MAP3K13: variants seen among roughly 807,000 people sequenced by gnomAD.
MAP3K13 encodes the protein leucine zipper-bearing kinase.
Under a neutral mutation model 104.0 loss-of-function variants are expected in MAP3K13, and 52 were observed. The ratio of observed to expected loss-of-function variants is 0.50; its 90% confidence interval spans 0.40 to 0.63. The LOEUF (loss-of-function observed/expected upper bound fraction) is 0.63, where lower values mean the gene tolerates loss of function less well. MAP3K13 is among the 20% of genes least tolerant of loss of function. MAP3K13 has a pLI of 0.00. For synonymous variants in MAP3K13, 394 were observed against 442.2 expected (o/e 0.89, Z 1.37); for missense variants, 914 against 1,218.5 (o/e 0.75, Z 3.72).
chr3:185,335,496 A>G (rs1279807927), intron 2 of MAP3K13, among the ~76,000 whole-genome samples: 1 of 152,144 alleles, frequency 6.6e-6, no homozygotes, highest in South Asian at 2.1e-4. Context: ...CCCTAGTAAG[A>G]GGGGCAAAGA....
chr3:185,404,997 C>G (rs1335942675), intron 1 of MAP3K13, among the ~76,000 whole-genome samples: 3 of 152,194 alleles, frequency 2.0e-5, no homozygotes, highest in Non-Finnish European at 4.4e-5. Flanking sequence ...GCCCATCCTA[C>G]TGGCAATGTA....
At chr3:185,321,109 T>C (rs1337237012) in intron 2 of MAP3K13, among the ~76,000 whole-genome samples, 2 of 149,768 alleles carry the variant, frequency 1.3e-5, no homozygotes, top group Non-Finnish European at 3.0e-5. Context: ...TGCACACACA[T>C]ATGCGTGCAC....
intron 2 of MAP3K13, among the ~76,000 whole-genome samples, chr3:185,435,099 G>T (rs1193423573): frequency 4.0e-5 from 6 of 151,868 alleles, no homozygotes; most frequent in Admixed American, 3.3e-4. Context: ...TGCCTCCCGG[G>T]TTCAAGCAAT....
chr3:185,477,524 T>C (rs1414352196), intron 12 of MAP3K13, 128 bp downstream of exon 12: 3 of 674,790 alleles, frequency 4.4e-6, no homozygotes, highest in Non-Finnish European at 7.9e-6. Context: ...TTGAACTCAC[T>C]GTGTTCATGT....
intron 1 of MAP3K13, among the ~76,000 whole-genome samples, chr3:185,425,538 C>A (rs1456132007): frequency 1.3e-5 from 2 of 152,152 alleles, no homozygotes; most frequent in Admixed American, 6.5e-5. Context: ...CTAACTGGAC[C>A]TTTAGTCTTT....
chr3:185,488,831 C>T lies in MAP3K13; in HGVS notation c.*6375C>T, dbSNP rs1339274313. The T allele has an allele frequency of 1.3e-5, 2 of 152,232 alleles. No homozygotes were observed. The highest frequency in any genetic ancestry group is 2.9e-5 in the Non-Finnish European group (2 of 68,068). The allele number at this position is 152,232 out of a possible 1,614,324, so 9.4% of individuals were successfully genotyped here. ...ACCTTCAGAGTGACCACTTCCCAGA[C>T]TCTGGAAGTGGGAAGACCCTCTTTG... On this transcript the variant is annotated 3_prime_UTR_variant, in exon 14 of 14. Transcript: ENST00000265026.
At chr3:185,460,632 A>G (rs1325119234) in intron 7 of MAP3K13, among the ~76,000 whole-genome samples, 1 of 152,226 alleles carries the variant, frequency 6.6e-6, no homozygotes, top group Non-Finnish European at 1.5e-5. Flanking sequence ...CTCCTTTTCC[A>G]TGAGATTCTA....
At chr3:185,407,004 T>C (rs1052308454) in intron 1 of MAP3K13, among the ~76,000 whole-genome samples, 5 of 152,088 alleles carry the variant, frequency 3.3e-5, no homozygotes, top group African/African-American at 1.2e-4. Context: ...TCCAGTAAAA[T>C]AAAGATTAAA....
At chr3:185,354,819 C>T (rs1723285269) in intron 2 of MAP3K13, among the ~76,000 whole-genome samples, 1 of 152,080 alleles carries the variant, frequency 6.6e-6, no homozygotes, top group Non-Finnish European at 1.5e-5. Context: ...TAGAAACTGG[C>T]TTTTTAATCT....
At chr3:185,287,689 T>C (rs550899943) in intron 2 of MAP3K13, among the ~76,000 whole-genome samples, 46 of 152,262 alleles carry the variant, frequency 3.0e-4, no homozygotes, top group Admixed American at 7.2e-4. Context: ...ATACCACTTA[T>C]TGTGTGTCTG....
intron 2 of MAP3K13, among the ~76,000 whole-genome samples, chr3:185,311,482 T>A (rs1033241055): frequency 6.6e-6 from 1 of 152,118 alleles, no homozygotes; most frequent in Admixed American, 6.5e-5. Flanking sequence ...GAGATACAAT[T>A]GAAGTTGAGA....
chr3:185,331,778 C>T (rs1722293014), intron 2 of MAP3K13, among the ~76,000 whole-genome samples: 1 of 152,176 alleles, frequency 6.6e-6, no homozygotes, highest in Non-Finnish European at 1.5e-5. Flanking sequence ...GGTCCCCAAA[C>T]CACGGCTATT....
intron 1 of MAP3K13, among the ~76,000 whole-genome samples, chr3:185,371,911 G>A (rs1475198051): frequency 6.6e-6 from 1 of 152,140 alleles, no homozygotes; most frequent in Non-Finnish European, 1.5e-5. Context: ...TTTAGTAGCT[G>A]GCCTGCCTGC....
At chr3:185,363,978 G>T (rs1018223871) in intron 1 of MAP3K13, among the ~76,000 whole-genome samples, 2 of 152,130 alleles carry the variant, frequency 1.3e-5, no homozygotes, top group Non-Finnish European at 2.9e-5. Flanking sequence ...ACACTTTATA[G>T]TGTCAAAAAC....
chr3:185,461,409 C>T (rs1472360000), intron 7 of MAP3K13, among the ~76,000 whole-genome samples: 1 of 152,078 alleles, frequency 6.6e-6, no homozygotes, highest in East Asian at 1.9e-4. Context: ...ATATAATTTC[C>T]TCTATAAAAA....
chr3:185,465,976 A>C (rs1577607717), intron 9 of MAP3K13, 113 bp downstream of exon 9: 1 of 809,852 alleles, frequency 1.2e-6, no homozygotes, highest in Non-Finnish European at 2.1e-6. Context: ...TTATTCATTC[A>C]CCCAACATTC....
chr3:185,382,655 T>C (rs1724783383), intron 1 of MAP3K13, among the ~76,000 whole-genome samples: 1 of 152,004 alleles, frequency 6.6e-6, no homozygotes, highest in Non-Finnish European at 1.5e-5. Context: ...ACCATCCTCA[T>C]GGGAATAAGT....
intron 2 of MAP3K13, among the ~76,000 whole-genome samples, chr3:185,335,538 C>T (rs1480295177): frequency 1.3e-5 from 2 of 152,050 alleles, no homozygotes; most frequent in Non-Finnish European, 2.9e-5. Context: ...TTTTCATTTT[C>T]CTTGCTGCAG....
At chr3:185,444,459 G>T (rs1190531442) in intron 4 of MAP3K13, among the ~76,000 whole-genome samples, 1 of 152,116 alleles carries the variant, frequency 6.6e-6, no homozygotes, top group Non-Finnish European at 1.5e-5. Flanking sequence ...TGTAGACGTG[G>T]ATTACAGATT....
Sources: allele counts gnomAD v4.1 joint callset (sites outside exome capture counted in the v4.1 genomes callset), GRCh38; gene constraint gnomAD v4.1.1; transcripts MANE v1.5; gene names NCBI Gene and HGNC (gene_info 2026-07-23, HGNC 2026-07-21).